The following THSD7A variants were observed in gnomAD, a reference collection of about 807,000 sequenced individuals.
THSD7A encodes thrombospondin type 1 domain containing 7A.
THSD7A carries 96 observed loss-of-function variants against 231.3 expected under a neutral mutation model. That is an observed-to-expected ratio of 0.41 (90% CI 0.35 to 0.49). The LOEUF (loss-of-function observed/expected upper bound fraction) is 0.49, where lower values mean the gene tolerates loss of function less well. THSD7A is among the 20% of genes least tolerant of loss of function. THSD7A has a pLI of 0.05. For synonymous variants in THSD7A, 940 were observed against 743.3 expected, an observed-to-expected ratio of 1.26 and a Z score of -4.30; for missense variants, 2,290 against 2,070.2, an observed-to-expected ratio of 1.11 and a Z score of -2.06.
At chr7:11,778,838 G>A (rs1783531058) in intron 1 of THSD7A, among the ~76,000 whole-genome samples, 1 of 151,962 alleles carries the variant, frequency 6.6e-6, no homozygotes, top group Non-Finnish European at 1.5e-5. Context: ...ATAAATCTAT[G>A]CACAAATAAA....
intron 1 of THSD7A, among the ~76,000 whole-genome samples, chr7:11,718,949 A>G (rs945790459): frequency 6.6e-5 from 10 of 151,732 alleles, no homozygotes; most frequent in African/African-American, 2.4e-4. Flanking sequence ...GGAAATAAAA[A>G]AAAGCATCAG....
chr7:11,375,675 G>A lies in THSD7A; in HGVS notation c.*119C>T, dbSNP rs1385847395. ...TGATTTTCACTCTTGTCTTTATGATGCCATTTTTAAAAATTAAAATATATT... is the reference window on the plus strand; with the variant it reads ...TGATTTTCACTCTTGTCTTTATGATACCATTTTTAAAAATTAAAATATATT... On this transcript the variant is annotated 3_prime_UTR_variant, in exon 28 of 28. Transcript: ENST00000423059. 1.3e-6 allele frequency: 1 copy of A among 789,142 alleles called. No homozygotes were observed. The highest frequency in any genetic ancestry group is 1.9e-5 in the South Asian group (1 of 53,036). 48.9% of individuals were successfully genotyped at this position (789,142 alleles called of 1,614,324 possible).
intron 1 of THSD7A, among the ~76,000 whole-genome samples, chr7:11,793,602 T>C (rs1017499946): frequency 1.3e-5 from 2 of 151,644 alleles, no homozygotes; most frequent in African/African-American, 4.8e-5. Flanking sequence ...AAGAAACATA[T>C]GGCAAAAAGT....
chr7:11,558,704 G>T (rs1174476675), intron 4 of THSD7A, among the ~76,000 whole-genome samples: 3 of 152,122 alleles, frequency 2.0e-5, no homozygotes, highest in Non-Finnish European at 4.4e-5. Context: ...AGTGGTCAGA[G>T]AAAATATCAA....
intron 1 of THSD7A, among the ~76,000 whole-genome samples, chr7:11,750,788 T>A (rs2128164685): frequency 6.6e-6 from 1 of 152,126 alleles, no homozygotes. Context: ...ATTTGCAAGC[T>A]TAGCATCCCT....
intron 1 of THSD7A, among the ~76,000 whole-genome samples, chr7:11,786,813 C>T (rs1783809612): frequency 6.7e-6 from 1 of 149,170 alleles, no homozygotes; most frequent in Non-Finnish European, 1.5e-5. Flanking sequence ...AAAGTCTTTT[C>T]TTTGGTCTCT....
intron 13 of THSD7A, among the ~76,000 whole-genome samples, chr7:11,445,065 A>G (rs1784923685): frequency 6.6e-6 from 1 of 151,696 alleles, no homozygotes; most frequent in Non-Finnish European, 1.5e-5. Context: ...TTTTATTAGC[A>G]TTGTTTTCTG....
rs149244255 is a variant in THSD7A, at chr7:11,543,784, C to G, written c.1454-667G>C. ...ATTTGTTCATAATTTGACCAATAAACTGTGGATAAATGTTGCTTGTCCTTG... is the reference window on the plus strand; with the variant it reads ...ATTTGTTCATAATTTGACCAATAAAGTGTGGATAAATGTTGCTTGTCCTTG... On this transcript the variant is annotated intron_variant, in intron 4 of 27. Coordinates refer to ENST00000423059, the MANE Select transcript of THSD7A (RefSeq NM_015204.3). Among the ~76,000 whole-genome samples, 324 of 152,076 alleles carry G rather than the reference C, an allele frequency of 2.1e-3. 2 individuals are homozygous for G. Among genetic ancestry groups the G allele is most frequent in the African/African-American group, 7.5e-3 (309 of 41,404 alleles).
At chr7:11,773,707 AT>A (rs1170395570) in intron 1 of THSD7A, among the ~76,000 whole-genome samples, 8 of 143,566 alleles carry the variant, frequency 5.6e-5, no homozygotes, top group East Asian at 3.9e-4. Context: ...TGTGGGGTAC[AT>A]TTTTTTTGAT....
At chr7:11,696,273 T>G (rs559123938) in intron 1 of THSD7A, among the ~76,000 whole-genome samples, 1 of 151,518 alleles carries the variant, frequency 6.6e-6, no homozygotes, top group South Asian at 2.1e-4. Context: ...AAATTGCCAA[T>G]GGATAATATG....
At chr7:11,685,483 A>G (rs1780009893) in intron 1 of THSD7A, among the ~76,000 whole-genome samples, 2 of 152,128 alleles carry the variant, frequency 1.3e-5, no homozygotes, top group South Asian at 4.1e-4. Context: ...CATCTGACAA[A>G]GGCCTAATAT....
chr7:11,549,762 C>A (rs1789546718), intron 4 of THSD7A, among the ~76,000 whole-genome samples: 1 of 145,836 alleles, frequency 6.9e-6, no homozygotes, highest in African/African-American at 2.6e-5. Context: ...TACACTAGGG[C>A]CTGTTGGGGG....
chr7:11,548,815 A>G (rs1417013345), intron 4 of THSD7A, among the ~76,000 whole-genome samples: 1 of 151,134 alleles, frequency 6.6e-6, no homozygotes, highest in Admixed American at 6.7e-5. Flanking sequence ...CATGTTAAAA[A>G]CCATCAACAA....
chr7:11,567,671 G>A (rs545888844), intron 4 of THSD7A, among the ~76,000 whole-genome samples: 4 of 152,166 alleles, frequency 2.6e-5, no homozygotes, highest in Non-Finnish European at 5.9e-5. Flanking sequence ...GGTAAGGCCT[G>A]AGCTGCAGGA....
chr7:11,721,562 C>A (rs1781353973), intron 1 of THSD7A, among the ~76,000 whole-genome samples: 1 of 151,736 alleles, frequency 6.6e-6, no homozygotes, highest in Non-Finnish European at 1.5e-5. Context: ...GTTACCTAGT[C>A]TCAGGTAGTT....
At chr7:11,560,023 C>T (rs551191758) in intron 4 of THSD7A, among the ~76,000 whole-genome samples, 178 of 152,108 alleles carry the variant, frequency 1.2e-3, no homozygotes, top group Middle Eastern at 3.4e-3. Context: ...TATCTAGAAA[C>T]AACTCATGTC....
At chr7:11,752,758 A>T (rs2128165357) in intron 1 of THSD7A, among the ~76,000 whole-genome samples, 1 of 152,076 alleles carries the variant, frequency 6.6e-6, no homozygotes, top group African/African-American at 2.4e-5. Flanking sequence ...TCTCCAAAAA[A>T]TAAATTAAAA....
At chr7:11,692,873 G>A (rs1292306226) in intron 1 of THSD7A, among the ~76,000 whole-genome samples, 1 of 151,434 alleles carries the variant, frequency 6.6e-6, no homozygotes, top group Admixed American at 6.6e-5. Context: ...AAATTCTTCA[G>A]GAGAAGATTC....
intron 9 of THSD7A, among the ~76,000 whole-genome samples, chr7:11,463,806 A>G (rs1785595681): frequency 6.6e-6 from 1 of 152,198 alleles, no homozygotes; most frequent in Non-Finnish European, 1.5e-5. Flanking sequence ...GATCTAAGAA[A>G]TGTCAACAGG....
Sources: allele counts gnomAD v4.1 joint callset (sites outside exome capture counted in the v4.1 genomes callset), GRCh38; gene constraint gnomAD v4.1.1; transcripts MANE v1.5; gene names NCBI Gene and HGNC (gene_info 2026-07-23, HGNC 2026-07-21).